Variants in MBNL2 observed in about 807,000 individuals in gnomAD.
MBNL2 encodes muscleblind like splicing regulator 2, also known as muscleblind-like protein 2.
MBNL2 carries 17 observed loss-of-function variants against 41.9 expected under a neutral mutation model. The ratio of observed to expected loss-of-function variants is 0.41; its 90% CI spans 0.28 to 0.61. The LOEUF is 0.61. Ranked by LOEUF, MBNL2 falls within the 20% of genes least tolerant of loss-of-function variation. The probability of loss-of-function intolerance (pLI) is 0.35; values close to 1 mark genes in which losing one functional copy is unlikely to be tolerated. For missense variants in MBNL2, 336 were observed against 505.6 expected, an observed-to-expected ratio of 0.66 and a Z score of 3.22; for synonymous variants, 195 against 182.9, an observed-to-expected ratio of 1.07 and a Z score of -0.53.
the MBNL2 span, among the ~76,000 whole-genome samples, chr13:97,177,120 C>G: frequency 1.3e-5 from 2 of 152,106 alleles, no homozygotes; most frequent in African/African-American, 4.8e-5. Context: ...GGTGGATTTC[C>G]TGAGCTCAGA....
chr13:97,358,903 G>A (rs2063189649), intron 7 of MBNL2, among the ~76,000 whole-genome samples: 1 of 151,910 alleles, frequency 6.6e-6, no homozygotes, highest in South Asian at 2.1e-4. Flanking sequence ...GATATTCTTT[G>A]TATAAAATCT....
intron 5 of MBNL2, among the ~76,000 whole-genome samples, chr13:97,352,631 T>A (rs990544035): frequency 3.9e-5 from 6 of 152,204 alleles, no homozygotes; most frequent in Non-Finnish European, 7.3e-5. Context: ...TTGTGAGAAT[T>A]ACCAAAATGT....
At chr13:97,271,310 G>A (rs928479889) in intron 1 of MBNL2, among the ~76,000 whole-genome samples, 2 of 151,976 alleles carry the variant, frequency 1.3e-5, no homozygotes, top group Non-Finnish European at 2.9e-5. Context: ...GTTTCGCCAT[G>A]TTGGCCAGGC....
the MBNL2 span, among the ~76,000 whole-genome samples, chr13:97,206,142 C>G: frequency 6.6e-6 from 1 of 152,174 alleles, no homozygotes; most frequent in Non-Finnish European, 1.5e-5. Context: ...GTCATATCTA[C>G]AGTAATGAAT....
In MBNL2 at chr13:97,340,352, T is replaced by C. The variant is rs1186796172; in HGVS notation, c.340-2664T>C. 7.9e-5 allele frequency among the ~76,000 whole-genome samples: 12 copies of C among 152,194 alleles called. No homozygotes were observed. The East Asian group carries it at 2.3e-3, about 29-fold the overall frequency. ...TTCAGTTTCACGTGACAGAAAATAT[T>C]TTTTTCAGTCCACATTTCAAAAGGA... On this transcript the variant is annotated intron_variant, in intron 3 of 8. Coordinates refer to ENST00000679496, the MANE Select transcript of MBNL2 (RefSeq NM_001382683.1).
chr13:97,155,160 C>A, the MBNL2 span, among the ~76,000 whole-genome samples: 1 of 152,206 alleles, frequency 6.6e-6, no homozygotes, highest in Admixed American at 6.5e-5. Flanking sequence ...ACTAATTACA[C>A]ACATGGACTT....
chr13:97,228,763 C>T (rs556425362), intron 1 of MBNL2, among the ~76,000 whole-genome samples: 13 of 152,076 alleles, frequency 8.5e-5, no homozygotes, highest in African/African-American at 3.1e-4. Flanking sequence ...CTCCTGACCT[C>T]AGGTAATCCA....
intron 8 of MBNL2, among the ~76,000 whole-genome samples, chr13:97,383,691 C>T (rs2153163411): frequency 6.6e-6 from 1 of 152,220 alleles, no homozygotes; most frequent in African/African-American, 2.4e-5. Flanking sequence ...TGCTCTTCTC[C>T]AGAGTAAAGC....
intron 1 of MBNL2, among the ~76,000 whole-genome samples, chr13:97,231,480 G>A (rs1198992161): frequency 6.6e-6 from 1 of 152,218 alleles, no homozygotes; most frequent in Non-Finnish European, 1.5e-5. Context: ...GCTCCTTGGA[G>A]GATCTTCTGG....
In MBNL2 at chr13:97,302,944, T is replaced by G. The variant is rs1253191032; in HGVS notation, c.174+26535T>G. Among the ~76,000 whole-genome samples, 10 of 152,328 alleles carry G rather than the reference T, an allele frequency of 6.6e-5. No homozygotes were observed. In the East Asian group the frequency reaches 1.5e-3, roughly 24 times the overall value. On this transcript the variant is annotated intron_variant, in intron 2 of 8. Coordinates refer to ENST00000679496, the MANE Select transcript of MBNL2 (RefSeq NM_001382683.1). ...ATCATGTCATGAAAAAGTTCTTATT[T>G]TCTCCATTTTGTGGTTGAGGAGATA...
the MBNL2 span, among the ~76,000 whole-genome samples, chr13:97,174,699 G>A: frequency 6.6e-6 from 1 of 152,170 alleles, no homozygotes; most frequent in African/African-American, 2.4e-5. Context: ...CAGACTCCTA[G>A]ATCACATCTG....
the MBNL2 span, among the ~76,000 whole-genome samples, chr13:97,174,363 A>G: frequency 6.6e-6 from 1 of 152,280 alleles, no homozygotes; most frequent in South Asian, 2.1e-4. Context: ...TCTATTCCTT[A>G]CCTCTACTCG....
At chr13:97,305,763 C>CTTTGTTT (rs2058067104) in intron 2 of MBNL2, among the ~76,000 whole-genome samples, 2 of 130,936 alleles carry the variant, frequency 1.5e-5, no homozygotes, top group African/African-American at 2.5e-5. Flanking sequence ...AGGGAGACCC[C>CTTTGTTT]GTCTCAAAAC....
the MBNL2 span, among the ~76,000 whole-genome samples, chr13:97,216,128 G>A: frequency 1.3e-5 from 2 of 151,934 alleles, no homozygotes; most frequent in African/African-American, 2.4e-5. Context: ...CATTTCTTGC[G>A]ATAAATTCAG....
Position 97,393,246 on chromosome 13 carries a change from A to G in MBNL2, c.*1797A>G, listed in dbSNP as rs144105091. 2 of 152,592 alleles carry G rather than the reference A, an allele frequency of 1.3e-5. No individual in the cohort carries two copies. The highest frequency in any genetic ancestry group is 1.3e-4 in the Admixed American group (2 of 15,264). 9.5% of individuals were successfully genotyped at this position (152,592 alleles called of 1,614,324 possible). On this transcript the variant is annotated 3_prime_UTR_variant, in exon 9 of 9. Coordinates refer to ENST00000679496, the MANE Select transcript of MBNL2 (RefSeq NM_001382683.1). Reference sequence around the variant, plus strand: ...AATGTAGTTACGCTACAACTTGCCTAAAACATTCAAACTTGTTTTCTTTTT... The same window carrying G: ...AATGTAGTTACGCTACAACTTGCCTGAAACATTCAAACTTGTTTTCTTTTT...
chr13:97,237,175 C>T (rs1274246847), intron 1 of MBNL2, among the ~76,000 whole-genome samples: 1 of 152,214 alleles, frequency 6.6e-6, no homozygotes, highest in Non-Finnish European at 1.5e-5. Flanking sequence ...TTACCAAATT[C>T]ATTGGACCTC....
rs1217171607 is a variant in MBNL2, at chr13:97,346,980, C to T, written c.717C>T (p.His239=). The change falls in exon 5 of 9, where the codon CAC becomes CAT. Residue 239 remains histidine, a synonymous_variant. Transcript: ENST00000679496. This position sits in a 1 kb window ranked among gnomAD's most constrained non-coding sequence, Gnocchi z 4.2. ...EKCKYFHPPA[H]LQAKIKAAQH... ...GCAAATATTTTCACCCTCCTGCACACTTGCAGGCCAAAATCAAAGCTGCGC... is the reference window on the plus strand; with the variant it reads ...GCAAATATTTTCACCCTCCTGCACATTTGCAGGCCAAAATCAAAGCTGCGC... 2 of 1,613,508 alleles carry T rather than the reference C, an allele frequency of 1.2e-6. No homozygotes were observed. Among genetic ancestry groups the T allele is most frequent in the East Asian group, 2.2e-5 (1 of 44,864 alleles).
At chr13:97,228,486 A>G (rs762006359) in intron 1 of MBNL2, among the ~76,000 whole-genome samples, 2 of 151,260 alleles carry the variant, frequency 1.3e-5, no homozygotes, top group African/African-American at 4.9e-5. Context: ...TAACATATAT[A>G]TATCTTACAT....
In MBNL2 at chr13:97,346,851, C is replaced by A; in HGVS notation, c.588C>A (p.Asp196Glu). The change falls in exon 5 of 9, where the codon GAC becomes GAA. Residue 196 changes from aspartate (D) to glutamate (E), a missense_variant. Transcript: ENST00000679496. The surrounding 1 kb of genome is among the most constrained non-coding windows in gnomAD (Gnocchi z 4.2). ...GAAACTGTGCCCGGGGAGAGACCGA[C>A]TGCCGCTTTGCACACCCCGCAGACA... Reference protein sequence around the residue: ...QRGNCARGETDCRFAHPADST... With the variant: ...QRGNCARGETECRFAHPADST... 3 of 1,614,080 alleles carry A rather than the reference C, an allele frequency of 1.9e-6. No individual in the cohort carries two copies. The highest frequency in any genetic ancestry group is 1.1e-5 in the South Asian group (1 of 91,086).
Sources: allele counts gnomAD v4.1 joint callset (sites outside exome capture counted in the v4.1 genomes callset), GRCh38; gene constraint gnomAD v4.1.1; non-coding constraint Gnocchi (gnomAD v3.1); transcripts MANE v1.5; gene names NCBI Gene and HGNC (gene_info 2026-07-23, HGNC 2026-07-21).